The following M1AP variants were observed in gnomAD, a reference collection of about 807,000 sequenced individuals.
M1AP encodes the protein meiosis 1 arrest protein.
In M1AP, 39 loss-of-function variants were observed where a neutral mutation model predicts 51.2. That is an observed-to-expected ratio of 0.76 (90% CI 0.59 to 1.00). The LOEUF (loss-of-function observed/expected upper bound fraction) is 1.00. M1AP is among the 50% of genes least tolerant of loss of function. The pLI, the probability that M1AP is intolerant of heterozygous loss-of-function variation, is 0.00. For synonymous variants in M1AP, 251 were observed against 249.2 expected, an observed-to-expected ratio of 1.01 and a Z score of -0.07; for missense variants, 545 against 641.2, an observed-to-expected ratio of 0.85 and a Z score of 1.62.
At chr2:74,628,496 G>T in intron 2 of M1AP, 1 of 453,764 alleles carries the variant, frequency 2.2e-6, no homozygotes, top group South Asian at 1.9e-5. Flanking sequence ...AGTTTACTCT[G>T]AAGGAGAACA....
At position 74,645,860 on chromosome 2, in the gene M1AP, AT is replaced by A. The variant is rs906732355; in HGVS notation, c.-53+2404del. ...CCTTGAAAAAAATAAAAATAAAAAAATAAAGTAGAGGCAGTCCTCATTTTGC... is the reference window on the plus strand; with the variant it reads ...CCTTGAAAAAAATAAAAATAAAAAAAAAAGTAGAGGCAGTCCTCATTTTGC... On this transcript the variant is annotated intron_variant, in intron 1 of 10. Coordinates refer to ENST00000421985, the MANE Select transcript of M1AP (RefSeq NM_001321739.2). Among the ~76,000 whole-genome samples the A allele has an allele frequency of 5.0e-4, 76 of 152,214 alleles. 1 individual carries two copies. The highest frequency in any genetic ancestry group is 7.5e-4 in the Non-Finnish European group (51 of 68,028).
rs1679010214 is a variant in M1AP at position 74,575,541 on chromosome 2, T to C, written c.971A>G (p.Tyr324Cys). The change falls in exon 7 of 11, where the codon TAT becomes TGT. Residue 324 changes from tyrosine (Y) to cysteine (C), a missense_variant. Transcript: ENST00000421985. ...AGGTCTGAGGATGAACGGGAGTCCA[T>C]ATGTCAATGACTCGCAGAGCCCGCT... is the stretch of plus-strand genomic sequence containing the variant. ...KSSGLCESLT[Y>C]GLPFILRPTS... is the part of the protein sequence containing the mutation. The C allele has an allele frequency of 1.9e-6, 3 of 1,614,038 alleles. No individual in the cohort carries two copies. Among genetic ancestry groups the C allele is most frequent in the South Asian group, 2.2e-5 (2 of 91,088 alleles).
At chr2:74,627,705 C>T (rs1163892841) in intron 2 of M1AP, among the ~76,000 whole-genome samples, 1 of 152,070 alleles carries the variant, frequency 6.6e-6, no homozygotes, top group East Asian at 1.9e-4. Flanking sequence ...ATTACCTGGG[C>T]TGTAAGTAAA....
intron 3 of M1AP, among the ~76,000 whole-genome samples, chr2:74,610,703 C>T (rs1025396161): frequency 7.2e-5 from 11 of 152,256 alleles, no homozygotes; most frequent in African/African-American, 2.2e-4. Flanking sequence ...CTTACCTTGG[C>T]TCCCAAAGTG....
At chr2:74,597,829 C>G (rs1223645034) in intron 4 of M1AP, among the ~76,000 whole-genome samples, 1 of 152,158 alleles carries the variant, frequency 6.6e-6, no homozygotes, top group East Asian at 1.9e-4. Context: ...ATCTCAGTGG[C>G]TATTTTAGTT....
At chr2:74,601,398 T>C (rs1453582856) in intron 4 of M1AP, among the ~76,000 whole-genome samples, 1 of 152,096 alleles carries the variant, frequency 6.6e-6, no homozygotes, top group African/African-American at 2.4e-5. Context: ...ATAATAATAT[T>C]ACATGTATAT....
At chr2:74,611,882 GTT>G (rs1188013311) in intron 3 of M1AP, among the ~76,000 whole-genome samples, 1 of 42,912 alleles carries the variant, frequency 2.3e-5, no homozygotes, top group African/African-American at 1.0e-4. Context: ...ACAAAAAAGT[GTT>G]TTTTTTTTTT....
chr2:74,575,746 C>T (rs187826306), intron 6 of M1AP, among the ~76,000 whole-genome samples, 167 bp from the exon 7 acceptor site: 70 of 152,358 alleles, frequency 4.6e-4, no homozygotes, highest in African/African-American at 1.6e-3. Flanking sequence ...GTATCTAGCA[C>T]ACAGAAGATT....
chr2:74,615,802 C>T (rs363693), intron 2 of M1AP: 12,359 of 152,280 alleles, frequency 0.081, 1,405 homozygotes, highest in African/African-American at 0.26. Context: ...TGTTACTTCT[C>T]CTAAGGATAT....
At chr2:74,587,632 C>T (rs187296457) in intron 4 of M1AP, among the ~76,000 whole-genome samples, 97 of 152,244 alleles carry the variant, frequency 6.4e-4, no homozygotes, top group Non-Finnish European at 9.9e-4. Context: ...ATCTGGGGAT[C>T]GGGGAGGAGA....
At chr2:74,626,256 A>ATTT (rs1485849068) in intron 2 of M1AP, among the ~76,000 whole-genome samples, 4,374 of 136,018 alleles carry the variant, frequency 0.032, 215 homozygotes, top group African/African-American at 0.11. Flanking sequence ...GCTATATTTC[A>ATTT]GTTTTTTTTT....
chr2:74,636,117 T>A (rs1389590840), intron 2 of M1AP, among the ~76,000 whole-genome samples: 1 of 152,094 alleles, frequency 6.6e-6, no homozygotes. Flanking sequence ...CAATTTTTGC[T>A]CCACATATTT....
intron 3 of M1AP, among the ~76,000 whole-genome samples, chr2:74,611,364 G>C (rs1017609847): frequency 2.0e-5 from 3 of 152,090 alleles, no homozygotes; most frequent in African/African-American, 4.8e-5. Flanking sequence ...ACTCACTGTT[G>C]GTCTGTTTAG....
At chr2:74,624,794 TTA>T (rs1326640607) in intron 2 of M1AP, among the ~76,000 whole-genome samples, 1 of 152,206 alleles carries the variant, frequency 6.6e-6, no homozygotes, top group African/African-American at 2.4e-5. Flanking sequence ...TTTCACATCA[TTA>T]TAGAGTATTC....
chr2:74,606,489 A>T (rs1272614832), intron 4 of M1AP, among the ~76,000 whole-genome samples: 1 of 152,258 alleles, frequency 6.6e-6, no homozygotes, highest in Non-Finnish European at 1.5e-5. Flanking sequence ...ACACTGACAC[A>T]GCTGTCCAAC....
intron 2 of M1AP, among the ~76,000 whole-genome samples, chr2:74,629,658 A>T (rs1029805701): frequency 7.9e-5 from 12 of 152,064 alleles, no homozygotes; most frequent in African/African-American, 2.7e-4. Context: ...AGACTGAGGC[A>T]GGAGAATCGC....
intron 2 of M1AP, among the ~76,000 whole-genome samples, chr2:74,616,277 G>A (rs1293813710): frequency 6.6e-6 from 1 of 152,132 alleles, no homozygotes; most frequent in African/African-American, 2.4e-5. Context: ...ATTTTTAAGT[G>A]AACATCTATA....
intron 4 of M1AP, among the ~76,000 whole-genome samples, chr2:74,584,460 A>AG (rs1679587111): frequency 6.6e-6 from 1 of 151,462 alleles, no homozygotes; most frequent in Non-Finnish European, 1.5e-5. Flanking sequence ...AAAAAAAAAA[A>AG]AAAAAGAAAA....
At chr2:74,647,250 C>T (rs1015424901) in intron 1 of M1AP, 181 of 985,246 alleles carry the variant, frequency 1.8e-4, no homozygotes, top group Admixed American at 3.1e-4. Flanking sequence ...TAGGCCCTCC[C>T]CTGCCCGCAC....
Sources: allele counts gnomAD v4.1 joint callset (sites outside exome capture counted in the v4.1 genomes callset), GRCh38; gene constraint gnomAD v4.1.1; transcripts MANE v1.5; gene names NCBI Gene and HGNC (gene_info 2026-07-23, HGNC 2026-07-21).